STARD13: variants seen among roughly 807,000 people sequenced by gnomAD.
STARD13 encodes the protein stAR-related lipid transfer protein 13.
In STARD13, 62 loss-of-function variants were observed where a neutral mutation model predicts 106.4. The observed-to-expected ratio is 0.58, with a 90% CI of 0.48 to 0.72. The LOEUF (loss-of-function observed/expected upper bound fraction) is 0.72. STARD13 is among the 30% of genes least tolerant of loss of function. The pLI is 0.00. For synonymous variants in STARD13, 565 were observed against 553.0 expected, an observed-to-expected ratio of 1.02 and a Z score of -0.31; for missense variants, 1,387 against 1,424.0, an observed-to-expected ratio of 0.97 and a Z score of 0.42.
chr13:33,583,908 G>A, the STARD13 span, among the ~76,000 whole-genome samples: 51 of 150,516 alleles, frequency 3.4e-4, no homozygotes, highest in African/African-American at 1.0e-3. Flanking sequence ...CAGTTATTAC[G>A]AATAATGGTT....
intron 4 of STARD13, among the ~76,000 whole-genome samples, chr13:33,137,227 GTCAC>G (rs1879173108): frequency 1.3e-5 from 2 of 152,136 alleles, no homozygotes; most frequent in Non-Finnish European, 2.9e-5. Flanking sequence ...AAGAAAATCA[GTCAC>G]TCACCACTGA....
At chr13:33,576,552 G>A in the STARD13 span, among the ~76,000 whole-genome samples, 1 of 152,082 alleles carries the variant, frequency 6.6e-6, no homozygotes, top group African/African-American at 2.4e-5. Context: ...CTCTCTTGAA[G>A]GCTGAGAACT....
intron 7 of STARD13, 57 bp downstream of exon 7, chr13:33,126,024 C>T: frequency 6.3e-7 from 1 of 1,594,542 alleles, no homozygotes; most frequent in East Asian, 2.2e-5. Flanking sequence ...GACATCCCCT[C>T]AATCCAATCC....
At chr13:33,602,620 C>A in the STARD13 span, among the ~76,000 whole-genome samples, 1 of 152,146 alleles carries the variant, frequency 6.6e-6, no homozygotes, top group East Asian at 1.9e-4. Flanking sequence ...GTCCCATAGA[C>A]CAGAGGTCTC....
intron 1 of STARD13, among the ~76,000 whole-genome samples, chr13:33,252,250 C>T (rs1890127291): frequency 6.6e-6 from 1 of 152,214 alleles, no homozygotes; most frequent in South Asian, 2.1e-4. Flanking sequence ...TTGCCACACT[C>T]CTACGTCCTG....
At chr13:33,177,874 G>T (rs1884773251) in intron 1 of STARD13, among the ~76,000 whole-genome samples, 1 of 8,568 alleles carries the variant, frequency 1.2e-4, no homozygotes, top group African/African-American at 1.3e-3. Flanking sequence ...AGGAAGGAAG[G>T]AAAGGAAGGA....
the STARD13 span, among the ~76,000 whole-genome samples, chr13:33,472,774 T>G: frequency 1.3e-5 from 2 of 152,142 alleles, no homozygotes; most frequent in East Asian, 3.9e-4. Context: ...ACAGAATATG[T>G]GCAGACAAAT....
At chr13:33,533,915 T>C in the STARD13 span, among the ~76,000 whole-genome samples, 1 of 152,254 alleles carries the variant, frequency 6.6e-6, no homozygotes, top group African/African-American at 2.4e-5. Context: ...TTCCATTACA[T>C]GAATGTGTCT....
the STARD13 span, among the ~76,000 whole-genome samples, chr13:33,408,457 G>C: frequency 6.6e-6 from 1 of 151,750 alleles, no homozygotes; most frequent in Admixed American, 6.6e-5. Flanking sequence ...TCTCCTCAAG[G>C]ATCATCCACA....
the STARD13 span, among the ~76,000 whole-genome samples, chr13:33,673,709 A>T: frequency 6.6e-6 from 1 of 150,924 alleles, no homozygotes; most frequent in East Asian, 1.9e-4. Context: ...CACCCAGCTA[A>T]TTTTTGTATT....
chr13:33,398,004 G>A, the STARD13 span, among the ~76,000 whole-genome samples: 2 of 152,272 alleles, frequency 1.3e-5, no homozygotes, highest in Non-Finnish European at 2.9e-5. Context: ...TTGAATTTTG[G>A]GGTAATATAA....
chr13:33,518,377 T>G, the STARD13 span, among the ~76,000 whole-genome samples: 2 of 152,112 alleles, frequency 1.3e-5, no homozygotes, highest in Admixed American at 6.6e-5. Flanking sequence ...AGCAATCTAA[T>G]TTCAATATGA....
chr13:33,152,322 C>A (rs1038232770), intron 3 of STARD13, among the ~76,000 whole-genome samples: 1 of 151,208 alleles, frequency 6.6e-6, no homozygotes, highest in Non-Finnish European at 1.5e-5. Context: ...TCCTCCTTCA[C>A]ATGTTTTTTT....
intron 1 of STARD13, among the ~76,000 whole-genome samples, chr13:33,226,398 T>C (rs1888626933): frequency 6.6e-6 from 1 of 151,936 alleles, no homozygotes; most frequent in Non-Finnish European, 1.5e-5. Context: ...TTGCCATAAG[T>C]GTTAGGATAC....
chr13:33,252,160 T>G (rs1890122470), intron 1 of STARD13, among the ~76,000 whole-genome samples: 1 of 152,244 alleles, frequency 6.6e-6, no homozygotes, highest in Non-Finnish European at 1.5e-5. Context: ...ATGTATATGA[T>G]GTATCCAAAA....
chr13:33,405,019 C>G, the STARD13 span, among the ~76,000 whole-genome samples: 1 of 152,146 alleles, frequency 6.6e-6, no homozygotes, highest in Admixed American at 6.5e-5. Flanking sequence ...TCAAGTGATC[C>G]GCCTGCCATG....
upstream of STARD13, among the ~76,000 whole-genome samples, chr13:33,287,617 C>T (rs1452779479): frequency 1.4e-5 from 2 of 147,154 alleles, no homozygotes; most frequent in African/African-American, 2.5e-5. Flanking sequence ...GGAGAAAGGT[C>T]GAGCACCATA....
the STARD13 span, among the ~76,000 whole-genome samples, chr13:33,358,209 C>A: frequency 6.6e-6 from 1 of 152,232 alleles, no homozygotes; most frequent in African/African-American, 2.4e-5. Context: ...GCCTTAGCTG[C>A]CTTCCCATGG....
chr13:33,248,683 C>T (rs1429853726), intron 1 of STARD13, among the ~76,000 whole-genome samples: 1 of 152,104 alleles, frequency 6.6e-6, no homozygotes, highest in African/African-American at 2.4e-5. Flanking sequence ...CATTCCTTTC[C>T]CCTTTTGCTT....
Sources: gnomAD v4.1 joint callset for allele counts (sites outside exome capture counted in the v4.1 genomes callset) on GRCh38, gnomAD v4.1.1 for gene constraint, MANE v1.5 for transcripts, NCBI Gene and HGNC (gene_info 2026-07-23, HGNC 2026-07-21) for gene names.